Variants in MRPL22 observed in about 807,000 individuals in gnomAD.
The protein encoded by MRPL22 is mitochondrial ribosomal protein L22, also known as large ribosomal subunit protein uL22m.
MRPL22 carries 27 observed loss-of-function variants against 32.4 expected under a neutral mutation model. The ratio of observed to expected loss-of-function variants is 0.83; its 90% confidence interval spans 0.61 to 1.15. The LOEUF is 1.15. Ranked by LOEUF, MRPL22 falls within the 50% of genes most tolerant of loss-of-function variation. The pLI, the probability that MRPL22 is intolerant of heterozygous loss-of-function variation, is 0.00. For missense variants in MRPL22, 239 were observed against 260.2 expected (o/e 0.92, Z 0.56); for synonymous variants, 86 against 87.3 (o/e 0.99, Z 0.08).
chr5:154,966,841 C>T lies in MRPL22; in HGVS notation c.565C>T (p.His189Tyr), dbSNP rs1168248667. 17 of 1,613,986 alleles carry T rather than the reference C, an allele frequency of 1.1e-5. No homozygotes were observed. The highest frequency in any genetic ancestry group is 1.4e-5 in the Non-Finnish European group (17 of 1,180,016). ...TGAGCCACCAAAGACGGCAGTTGCC[C>T]ATGCCAAAGAGTATATTCAGCAGCT... ...PPEPPKTAVAHAKEYIQQLRS... is the reference protein window; with the variant it reads ...PPEPPKTAVAYAKEYIQQLRS... The change falls in exon 7 of 7, where the codon CAT becomes TAT. Residue 189 changes from histidine to tyrosine, a missense_variant. His to Tyr is a moderately conservative substitution (Grantham distance 83, BLOSUM62 2). Coordinates refer to ENST00000523037, the MANE Select transcript of MRPL22 (RefSeq NM_014180.4).
chr5:154,968,535 C>G lies in MRPL22; in HGVS notation c.*1638C>G, dbSNP rs1218660263. ...CACTTGAAGAATTTGTTTAAAAATGCAAATTCCTGGGCTCTACTCTCAGAC... is the reference window on the plus strand; with the variant it reads ...CACTTGAAGAATTTGTTTAAAAATGGAAATTCCTGGGCTCTACTCTCAGAC... On this transcript the variant is annotated 3_prime_UTR_variant, in exon 7 of 7. Coordinates refer to ENST00000523037, the MANE Select transcript of MRPL22 (RefSeq NM_014180.4). 6.6e-6 allele frequency: 1 copy of G among 152,162 alleles called. No individual in the cohort carries two copies. Among genetic ancestry groups the G allele is most frequent in the African/African-American group, 2.4e-5 (1 of 41,444 alleles). The allele number at this position is 152,162 out of a possible 1,614,324, so 9.4% of individuals were successfully genotyped here.
In MRPL22 at chr5:154,967,051, C is replaced by A; in HGVS notation, c.*154C>A. 1.1e-6 allele frequency: 1 copy of A among 903,250 alleles called. No individual in the cohort carries two copies. Among genetic ancestry groups the A allele is most frequent in the Non-Finnish European group, 1.6e-6 (1 of 617,512 alleles). The allele number at this position is 903,250 out of a possible 1,614,324, so 56.0% of individuals were successfully genotyped here. On this transcript the variant is annotated 3_prime_UTR_variant, in exon 7 of 7. Coordinates refer to ENST00000523037, the MANE Select transcript of MRPL22 (RefSeq NM_014180.4). The surrounding 1 kb of genome is among the most constrained non-coding windows in gnomAD (Gnocchi z 4.7). ...AAATGAATATTTATAAGGCTTTGCC[C>A]ATTTCTTTTGAGCCTCTGGGCATAT... is the stretch of plus-strand genomic sequence containing the variant.
At chr5:154,961,044 A>T (rs1437025703) in intron 6 of MRPL22, among the ~76,000 whole-genome samples, 1 of 150,040 alleles carries the variant, frequency 6.7e-6, no homozygotes, top group Non-Finnish European at 1.5e-5. Flanking sequence ...CAATTAGAGT[A>T]AAAAAAAAAT....
At chr5:154,962,379 T>G (rs1158046067) in intron 6 of MRPL22, among the ~76,000 whole-genome samples, 1 of 152,242 alleles carries the variant, frequency 6.6e-6, no homozygotes, top group African/African-American at 2.4e-5. Flanking sequence ...AATAAACTAT[T>G]GATTCTTAAC....
intron 5 of MRPL22, among the ~76,000 whole-genome samples, chr5:154,957,908 A>ATTTT (rs1764650396): frequency 1.6e-5 from 2 of 124,928 alleles, no homozygotes; most frequent in East Asian, 2.3e-4. Context: ...TATTACATAT[A>ATTTT]TTTTTCTTTT....
chr5:154,942,477 C>G (rs1232060515), intron 2 of MRPL22, among the ~76,000 whole-genome samples: 1 of 152,170 alleles, frequency 6.6e-6, no homozygotes, highest in Non-Finnish European at 1.5e-5. Context: ...TAGGATTTGT[C>G]TGTACTCTTC....
intron 2 of MRPL22, among the ~76,000 whole-genome samples, chr5:154,946,541 T>A (rs1171977167): frequency 6.6e-6 from 1 of 152,020 alleles, no homozygotes; most frequent in South Asian, 2.1e-4. Flanking sequence ...AACACGGGTG[T>A]GGTGGCTCAC....
chr5:154,964,532 G>A (rs1295201197), intron 6 of MRPL22, among the ~76,000 whole-genome samples: 1 of 152,212 alleles, frequency 6.6e-6, no homozygotes, highest in Non-Finnish European at 1.5e-5. Context: ...CAGGGTGGCT[G>A]TGTTGGGTAT....
chr5:154,948,233 A>G (rs1204366855), intron 2 of MRPL22, among the ~76,000 whole-genome samples: 1 of 151,640 alleles, frequency 6.6e-6, no homozygotes, highest in Non-Finnish European at 1.5e-5. Context: ...ATTTTGAAAC[A>G]CTCCCCCCAC....
intron 6 of MRPL22, among the ~76,000 whole-genome samples, chr5:154,961,900 C>A (rs772417296): frequency 1.3e-5 from 2 of 152,100 alleles, no homozygotes; most frequent in Non-Finnish European, 2.9e-5. Context: ...GATGCCTATG[C>A]TGGTCTTGAA....
intron 3 of MRPL22, chr5:154,955,243 C>T (rs1200545453): frequency 6.6e-6 from 1 of 152,186 alleles, no homozygotes; most frequent in African/African-American, 2.4e-5. Context: ...TTCAGGCTGT[C>T]TGCTTCTATT....
chr5:154,961,073 T>TC (rs1353118308), intron 6 of MRPL22, among the ~76,000 whole-genome samples: 1 of 152,236 alleles, frequency 6.6e-6, no homozygotes, highest in Non-Finnish European at 1.5e-5. Flanking sequence ...TTCTACTTTT[T>TC]CACATAGCCT....
intron 6 of MRPL22, among the ~76,000 whole-genome samples, chr5:154,962,173 T>C (rs1327090484): frequency 6.6e-6 from 1 of 152,290 alleles, no homozygotes; most frequent in East Asian, 1.9e-4. Context: ...AAGAGATGAG[T>C]TCCCTCAGGA....
At chr5:154,945,117 A>G (rs2113531416) in intron 2 of MRPL22, among the ~76,000 whole-genome samples, 1 of 152,186 alleles carries the variant, frequency 6.6e-6, no homozygotes, top group Non-Finnish European at 1.5e-5. Flanking sequence ...TGCTGTGTTG[A>G]GAATAGACTG....
intron 5 of MRPL22, among the ~76,000 whole-genome samples, chr5:154,957,600 AT>A (rs141410965): frequency 2.1e-4 from 31 of 150,044 alleles, no homozygotes; most frequent in African/African-American, 6.9e-4. Flanking sequence ...TTTTTTGAAG[AT>A]TTTTTTTTTC....
At chr5:154,946,649 A>G (rs1472889038) in intron 2 of MRPL22, among the ~76,000 whole-genome samples, 1 of 151,980 alleles carries the variant, frequency 6.6e-6, no homozygotes, top group African/African-American at 2.4e-5. Flanking sequence ...CCCCGTCTCT[A>G]CTAAAAATAC....
intron 6 of MRPL22, among the ~76,000 whole-genome samples, chr5:154,963,219 G>A (rs568130398): frequency 3.3e-5 from 5 of 152,314 alleles, no homozygotes; most frequent in African/African-American, 1.2e-4. Flanking sequence ...GATTACAGGC[G>A]TGAGCCACTG....
intron 2 of MRPL22, among the ~76,000 whole-genome samples, chr5:154,944,534 A>G (rs1465704494): frequency 6.6e-6 from 1 of 152,182 alleles, no homozygotes; most frequent in Non-Finnish European, 1.5e-5. Context: ...ACAAATATGT[A>G]TTTAGTGCCT....
chr5:154,962,500 T>C (rs1022808452), intron 6 of MRPL22, among the ~76,000 whole-genome samples: 3 of 152,224 alleles, frequency 2.0e-5, no homozygotes, highest in African/African-American at 7.2e-5. Context: ...TATTGGCTAC[T>C]ATTTTGGTTC....
Sources: allele counts gnomAD v4.1 joint callset (sites outside exome capture counted in the v4.1 genomes callset), GRCh38; gene constraint gnomAD v4.1.1; non-coding constraint Gnocchi (gnomAD v3.1); transcripts MANE v1.5; gene names NCBI Gene and HGNC (gene_info 2026-07-23, HGNC 2026-07-21).